The following TMPRSS9 variants were observed in gnomAD, a reference collection of about 807,000 sequenced individuals.
TMPRSS9 encodes the protein transmembrane serine protease 9, also known as transmembrane protease serine 9.
A neutral mutation model predicts 111.4 loss-of-function variants in TMPRSS9; 113 were observed. The observed-to-expected ratio is 1.01, with a 90% CI of 0.87 to 1.19. The LOEUF (loss-of-function observed/expected upper bound fraction) is 1.19, where lower values mean the gene tolerates loss of function less well. Among genes scored for constraint, TMPRSS9 ranks in the 50% most tolerant of loss-of-function variants. The pLI, the probability that TMPRSS9 is intolerant of heterozygous loss-of-function variation, is 0.00. For missense variants in TMPRSS9, 1,803 were observed against 1,513.1 expected, an observed-to-expected ratio of 1.19 and a Z score of -3.18; for synonymous variants, 805 against 659.1, an observed-to-expected ratio of 1.22 and a Z score of -3.39.
chr19:2,384,878 A>G (rs1970443544), upstream of TMPRSS9, among the ~76,000 whole-genome samples: 1 of 149,996 alleles, frequency 6.7e-6, no homozygotes, highest in African/African-American at 2.5e-5. Flanking sequence ...GCTACTCGGG[A>G]AGCTGAGGCA....
intron 1 of TMPRSS9, among the ~76,000 whole-genome samples, chr19:2,372,199 G>A (rs1202992349): frequency 6.6e-6 from 1 of 152,002 alleles, no homozygotes; most frequent in Non-Finnish European, 1.5e-5. Flanking sequence ...GTTCAGATCT[G>A]AGATCCCACG....
chr19:2,376,328 A>G (rs1390156236), intron 1 of TMPRSS9, among the ~76,000 whole-genome samples: 3 of 152,030 alleles, frequency 2.0e-5, no homozygotes, highest in Non-Finnish European at 2.9e-5. Flanking sequence ...TCCCATCTCC[A>G]TGCCCTTCAC....
intron 6 of TMPRSS9, among the ~76,000 whole-genome samples, chr19:2,403,607 A>G (rs529506778): frequency 6.6e-6 from 1 of 152,144 alleles, no homozygotes; most frequent in African/African-American, 2.4e-5. Flanking sequence ...CTGTCATCCC[A>G]GCACTTTGGG....
chr19:2,393,342 C>T (rs934925100), intron 1 of TMPRSS9, among the ~76,000 whole-genome samples: 3 of 152,106 alleles, frequency 2.0e-5, no homozygotes, highest in Admixed American at 6.6e-5. Context: ...CAACTCCAGA[C>T]ACGCTGCCTT....
intron 1 of TMPRSS9, among the ~76,000 whole-genome samples, chr19:2,367,009 C>T (rs140642079): frequency 1.5e-3 from 227 of 152,150 alleles, no homozygotes; most frequent in African/African-American, 5.0e-3. Flanking sequence ...TAGTGCTGCT[C>T]GAGCATCCTG....
intron 4 of TMPRSS9, among the ~76,000 whole-genome samples, chr19:2,401,623 T>C (rs1291901343): frequency 2.0e-5 from 3 of 152,068 alleles, no homozygotes; most frequent in Admixed American, 2.0e-4. Context: ...TTTCTTTTTT[T>C]TTGAGATGGA....
chr19:2,411,400 C>CTCTT (rs756207648), intron 9 of TMPRSS9, among the ~76,000 whole-genome samples: 1,244 of 100,702 alleles, frequency 0.012, 49 homozygotes, highest in African/African-American at 0.043. Flanking sequence ...TCTTCTTCTT[C>CTCTT]TTTTTTTTTT....
intron 8 of TMPRSS9, among the ~76,000 whole-genome samples, chr19:2,409,612 T>C (rs1185803874): frequency 6.6e-6 from 1 of 151,664 alleles, no homozygotes; most frequent in Non-Finnish European, 1.5e-5. Context: ...AGCTGCAGCT[T>C]TAAATAGGGA....
At chr19:2,378,467 C>A (rs1183578522) in intron 1 of TMPRSS9, among the ~76,000 whole-genome samples, 1 of 152,150 alleles carries the variant, frequency 6.6e-6, no homozygotes, top group Admixed American at 6.6e-5. Flanking sequence ...TGCCTGTAAT[C>A]CCAGCACTTT....
At chr19:2,403,448 C>A (rs1970898381) in intron 6 of TMPRSS9, among the ~76,000 whole-genome samples, 1 of 152,130 alleles carries the variant, frequency 6.6e-6, no homozygotes. Flanking sequence ...AGGCTGAAAA[C>A]AGAGGTTGTG....
At chr19:2,376,742 T>C (rs775586804) in intron 1 of TMPRSS9, among the ~76,000 whole-genome samples, 7 of 151,866 alleles carry the variant, frequency 4.6e-5, no homozygotes, top group Non-Finnish European at 8.8e-5. Context: ...CAGGCATGAG[T>C]CGCTGTGTCC....
At chr19:2,418,391 C>CTT (rs1971332030) in intron 13 of TMPRSS9, among the ~76,000 whole-genome samples, 2 of 48,728 alleles carry the variant, frequency 4.1e-5, no homozygotes, top group African/African-American at 2.0e-4. Context: ...CTTTCCTTCC[C>CTT]TCCCTGGCCT....
At chr19:2,376,875 C>T (rs1348494190) in intron 1 of TMPRSS9, among the ~76,000 whole-genome samples, 2 of 152,134 alleles carry the variant, frequency 1.3e-5, no homozygotes, top group Non-Finnish European at 2.9e-5. Flanking sequence ...TGATTTCTGC[C>T]TGCTCTCCAC....
In TMPRSS9 at chr19:2,421,298, T is replaced by TA. The variant is rs372438830; in HGVS notation, c.2155-556_2155-555insA. On this transcript the variant is annotated intron_variant, in intron 13 of 17. Transcript: ENST00000648592. ...CTGTTATTGTTGTTATTTATTTATT[T>TA]TTTTTTTTGAGAGGGAGTCTTGTTC... Among the ~76,000 whole-genome samples the TA allele has an allele frequency of 1.8e-3, 274 of 151,940 alleles. 1 individual carries two copies. The highest frequency in any genetic ancestry group is 5.5e-3 in the African/African-American group (227 of 41,438).
At chr19:2,390,336 G>A (rs939373647) in intron 1 of TMPRSS9, among the ~76,000 whole-genome samples, 9 of 143,536 alleles carry the variant, frequency 6.3e-5, no homozygotes, top group Admixed American at 3.5e-4. Context: ...TCCACCTCCC[G>A]GGTTCACACC....
intron 1 of TMPRSS9, among the ~76,000 whole-genome samples, chr19:2,361,887 C>T (rs929981408): frequency 6.6e-6 from 1 of 152,176 alleles, no homozygotes; most frequent in Non-Finnish European, 1.5e-5. Flanking sequence ...ATCAGGGATG[C>T]CCCGCAGGAC....
intron 9 of TMPRSS9, among the ~76,000 whole-genome samples, chr19:2,411,070 C>T (rs917093935): frequency 4.6e-5 from 7 of 151,802 alleles, no homozygotes; most frequent in African/African-American, 1.5e-4. Context: ...GAGGCCAAGG[C>T]GGGTGGATCA....
rs776664239 is a variant in TMPRSS9 at position 2,422,029 on chromosome 19, C to G, written c.2330C>G (p.Ser777Cys). Residue 777 changes from serine (S) to cysteine (C), a missense_variant, in exon 14 of 18, where the codon TCT (serine) becomes TGT (cysteine). Ser to Cys is a moderately radical substitution (Grantham distance 112). Coordinates refer to ENST00000648592, the Ensembl canonical transcript of TMPRSS9. ...ATGTCCTCCCAGCCCCTTCCCATGT[C>G]TCCCCCCTCGACCACAAGGATGCTG... The G allele has an allele frequency of 3.7e-6, 6 of 1,612,828 alleles. No individual in the cohort carries two copies. The Admixed American group carries it at 1.0e-4, about 27-fold the overall frequency.
At chr19:2,389,042 TCACA>T (rs1026995444), upstream of TMPRSS9, among the ~76,000 whole-genome samples, 2 of 150,850 alleles carry the variant, frequency 1.3e-5, no homozygotes, top group Non-Finnish European at 2.9e-5. Flanking sequence ...GTCCTCATCC[TCACA>T]CAGCCGCCCA....
Sources: gnomAD v4.1 joint callset for allele counts (sites outside exome capture counted in the v4.1 genomes callset) on GRCh38, gnomAD v4.1.1 for gene constraint, MANE v1.5 for transcripts, NCBI Gene and HGNC (gene_info 2026-07-23, HGNC 2026-07-21) for gene names.